TCF12: variants seen among roughly 807,000 people sequenced by gnomAD.
The protein encoded by TCF12 is DNA-binding protein HTF4.
In TCF12, 45 loss-of-function variants were observed where a neutral mutation model predicts 86.0. That is an observed-to-expected ratio of 0.52 (90% CI 0.41 to 0.67). The LOEUF is 0.67. TCF12 is among the 30% of genes least tolerant of loss of function. The pLI, the probability that TCF12 is intolerant of heterozygous loss-of-function variation, is 0.00. For missense variants in TCF12, 881 were observed against 859.9 expected (o/e 1.02, Z -0.31); for synonymous variants, 330 against 299.6 (o/e 1.10, Z -1.05).
intron 5 of TCF12, among the ~76,000 whole-genome samples, chr15:57,116,279 T>G (rs547081318): frequency 1.3e-5 from 2 of 152,350 alleles, no homozygotes; most frequent in South Asian, 4.1e-4. Flanking sequence ...CTTATGTAGC[T>G]GACTTTCAAA....
chr15:57,116,737 G>C (rs2050865687), intron 5 of TCF12, among the ~76,000 whole-genome samples: 1 of 152,092 alleles, frequency 6.6e-6, no homozygotes, highest in Non-Finnish European at 1.5e-5. Flanking sequence ...CTTACCATCT[G>C]GGAGGTTACA....
chr15:56,974,616 C>T (rs1399604425), intron 3 of TCF12, among the ~76,000 whole-genome samples: 2 of 152,004 alleles, frequency 1.3e-5, no homozygotes, highest in Admixed American at 1.3e-4. Context: ...TTAGTATTTA[C>T]AACAATCCTG....
At chr15:57,222,846 T>C (rs2151876523) in intron 8 of TCF12, among the ~76,000 whole-genome samples, 1 of 149,588 alleles carries the variant, frequency 6.7e-6, no homozygotes, top group South Asian at 2.1e-4. Flanking sequence ...AGTCTCCATT[T>C]TTCTTAGTTT....
At chr15:57,290,186 T>C (rs961426911), downstream of TCF12, among the ~76,000 whole-genome samples, 1 of 151,748 alleles carries the variant, frequency 6.6e-6, no homozygotes, top group African/African-American at 2.4e-5. Flanking sequence ...CTACTAAAAG[T>C]ACAAAAATTA....
At chr15:56,972,155 T>A (rs1408536005) in intron 3 of TCF12, among the ~76,000 whole-genome samples, 4 of 152,206 alleles carry the variant, frequency 2.6e-5, no homozygotes, top group African/African-American at 9.7e-5. Flanking sequence ...TTTTTCTCCA[T>A]CACTAAAATG....
intron 5 of TCF12, among the ~76,000 whole-genome samples, chr15:57,098,082 G>C (rs540953089): frequency 6.6e-6 from 1 of 151,374 alleles, no homozygotes; most frequent in East Asian, 1.9e-4. Flanking sequence ...CTGTGTGGGA[G>C]GCTGAGGCAG....
intron 3 of TCF12, among the ~76,000 whole-genome samples, chr15:56,982,391 A>G (rs1489142367): frequency 1.3e-5 from 2 of 152,174 alleles, no homozygotes; most frequent in African/African-American, 4.8e-5. Context: ...ATATAGGTAA[A>G]TTCAAAATCT....
At chr15:57,142,182 A>G (rs2053018219) in intron 5 of TCF12, among the ~76,000 whole-genome samples, 1 of 152,226 alleles carries the variant, frequency 6.6e-6, no homozygotes, top group Non-Finnish European at 1.5e-5. Flanking sequence ...TAAACATATT[A>G]TAGATAAAAG....
chr15:57,286,582 C>G lies in TCF12; in HGVS notation c.*437C>G. 1 of 455,844 alleles carries G rather than the reference C, an allele frequency of 2.2e-6. No homozygotes were observed. Among genetic ancestry groups the G allele is most frequent in the South Asian group, 1.6e-5 (1 of 64,274 alleles). The allele number at this position is 455,844 out of a possible 1,614,324, so 28.2% of individuals were successfully genotyped here. A position where few individuals can be genotyped will look rare whatever the true frequency, so the allele number is the denominator to read the frequency against. Reference sequence around the variant, plus strand: ...TTAATGTGGAAAGCTGATCTACACTCAGCTGATGCCAGCATACATTAAAGC... The same window carrying G: ...TTAATGTGGAAAGCTGATCTACACTGAGCTGATGCCAGCATACATTAAAGC... On this transcript the variant is annotated 3_prime_UTR_variant, in exon 21 of 21. Coordinates refer to ENST00000333725, the MANE Select transcript of TCF12 (RefSeq NM_207037.2).
intron 4 of TCF12, among the ~76,000 whole-genome samples, chr15:57,086,734 A>G (rs1332357491): frequency 6.6e-6 from 1 of 151,040 alleles, no homozygotes; most frequent in Non-Finnish European, 1.5e-5. Context: ...AAGGCCATTG[A>G]AAAGAATTGA....
intron 3 of TCF12, among the ~76,000 whole-genome samples, chr15:56,946,743 C>A (rs1345967717): frequency 6.8e-6 from 1 of 146,780 alleles, no homozygotes; most frequent in Non-Finnish European, 1.5e-5. Context: ...TATTAGGGAT[C>A]AACTCAGACA....
At chr15:57,250,677 C>G (rs1299173683) in intron 13 of TCF12, among the ~76,000 whole-genome samples, 1 of 151,492 alleles carries the variant, frequency 6.6e-6, no homozygotes, top group Non-Finnish European at 1.5e-5. Context: ...TGCAGTGAGT[C>G]AAGATTGTAC....
At chr15:57,040,467 G>A (rs1015456711) in intron 3 of TCF12, among the ~76,000 whole-genome samples, 9 of 152,194 alleles carry the variant, frequency 5.9e-5, no homozygotes, top group African/African-American at 2.2e-4. Context: ...AAGGAGTTCC[G>A]TAAGAATTGG....
intron 6 of TCF12, among the ~76,000 whole-genome samples, chr15:57,183,875 A>T (rs17239313): frequency 0.04 from 6,144 of 152,234 alleles, 374 homozygotes; most frequent in Admixed American, 0.17. Flanking sequence ...TAACTCCAAA[A>T]CCAGTGCTGT....
chr15:57,088,523 G>T, intron 4 of TCF12, among the ~76,000 whole-genome samples: 1 of 149,418 alleles, frequency 6.7e-6, no homozygotes, highest in African/African-American at 2.5e-5. Context: ...TTTAAACTGT[G>T]GGGTTTCTCC....
intron 3 of TCF12, among the ~76,000 whole-genome samples, chr15:56,995,231 CTTTTTTTTTTTTTTTTT>C (rs557610511): frequency 1.7e-4 from 5 of 30,282 alleles, no homozygotes; most frequent in African/African-American, 2.5e-4. Context: ...ATACCTGCAG[CTTTTTTTTTTTTTTTTT>C]TTTTTTTTTT....
rs540818004 is a variant in TCF12 at position 57,073,249 on chromosome 15, C to A, written c.222+9426C>A. ...TTTCTTTTTTAATCTTCTAACTGTT[C>A]AGATTTTAAAGTTAACAAGTAAAAA... On this transcript the variant is annotated intron_variant, in intron 4 of 20. Transcript: ENST00000333725. 2.7e-3 allele frequency among the ~76,000 whole-genome samples: 408 copies of A among 152,136 alleles called. 2 individuals are homozygous for A. The highest frequency in any genetic ancestry group is 4.3e-3 in the Non-Finnish European group (290 of 67,992).
At chr15:57,135,743 G>A (rs8035916) in intron 5 of TCF12, among the ~76,000 whole-genome samples, 35,660 of 151,980 alleles carry the variant, frequency 0.23, 4,780 homozygotes, top group East Asian at 0.4. Flanking sequence ...CTGACTGTTG[G>A]CTTCTTGGTT....
At chr15:57,003,253 C>T (rs2064154671) in intron 3 of TCF12, among the ~76,000 whole-genome samples, 1 of 152,128 alleles carries the variant, frequency 6.6e-6, no homozygotes, top group Non-Finnish European at 1.5e-5. Flanking sequence ...AATACTGAAC[C>T]ACTGCTCCTA....
Sources: allele counts gnomAD v4.1 joint callset (sites outside exome capture counted in the v4.1 genomes callset), GRCh38; gene constraint gnomAD v4.1.1; transcripts MANE v1.5; gene names NCBI Gene and HGNC (gene_info 2026-07-23, HGNC 2026-07-21).